TEKT5: variants seen among roughly 807,000 people sequenced by gnomAD.
The protein encoded by TEKT5 is tektin 5.
A neutral mutation model predicts 48.7 loss-of-function variants in TEKT5; 52 were observed. The observed-to-expected ratio is 1.07, with a 90% CI of 0.86 to 1.35. The LOEUF is 1.35. TEKT5 is among the 40% of genes most tolerant of loss of function. The pLI is 0.00. For missense variants in TEKT5, 831 were observed against 641.6 expected (o/e 1.30, Z -3.19); for synonymous variants, 318 against 267.6 (o/e 1.19, Z -1.84).
intron 6 of TEKT5, among the ~76,000 whole-genome samples, chr16:10,634,466 T>A (rs1470314235): frequency 6.6e-6 from 1 of 152,074 alleles, no homozygotes; most frequent in Non-Finnish European, 1.5e-5. Flanking sequence ...ATGGAGCAAA[T>A]GAGCAGCTGA....
intron 5 of TEKT5, among the ~76,000 whole-genome samples, chr16:10,652,987 GCA>G (rs1164258448): frequency 1.3e-5 from 2 of 151,476 alleles, no homozygotes; most frequent in Admixed American, 1.3e-4. Flanking sequence ...ACGCACACAT[GCA>G]CAGAGCTGGC....
intron 5 of TEKT5, among the ~76,000 whole-genome samples, chr16:10,673,845 T>A (rs958189561): frequency 6.6e-6 from 1 of 151,082 alleles, no homozygotes; most frequent in Non-Finnish European, 1.5e-5. Flanking sequence ...AGAGATGGAG[T>A]TTCACTATCT....
intron 5 of TEKT5, among the ~76,000 whole-genome samples, chr16:10,646,151 T>G (rs189655204): frequency 2.0e-5 from 3 of 152,080 alleles, no homozygotes; most frequent in Non-Finnish European, 4.4e-5. Flanking sequence ...AAAAAAAAAT[T>G]TGTTGATCTG....
chr16:10,632,428 G>T (rs754680620), intron 6 of TEKT5, among the ~76,000 whole-genome samples: 7 of 151,978 alleles, frequency 4.6e-5, no homozygotes, highest in Admixed American at 6.6e-5. Context: ...CTCCTAAGTA[G>T]CTTGGACTAT....
At chr16:10,654,739 C>T (rs1898228273) in intron 5 of TEKT5, among the ~76,000 whole-genome samples, 1 of 152,144 alleles carries the variant, frequency 6.6e-6, no homozygotes, top group Non-Finnish European at 1.5e-5. Flanking sequence ...CCTGGGTCTC[C>T]AGCATGCAGA....
At chr16:10,687,240 GA>G (rs1898877948) in intron 3 of TEKT5, among the ~76,000 whole-genome samples, 1 of 152,116 alleles carries the variant, frequency 6.6e-6, no homozygotes, top group African/African-American at 2.4e-5. Context: ...ATAAGTATGT[GA>G]GGTAACATAT....
At chr16:10,668,804 G>A (rs1567232174) in intron 5 of TEKT5, among the ~76,000 whole-genome samples, 2 of 152,044 alleles carry the variant, frequency 1.3e-5, no homozygotes, top group South Asian at 4.1e-4. Flanking sequence ...CTGCCTGTCT[G>A]AGTTTCCTCT....
chr16:10,682,709 A>G (rs1898778989), intron 3 of TEKT5, among the ~76,000 whole-genome samples: 1 of 152,200 alleles, frequency 6.6e-6, no homozygotes, highest in African/African-American at 2.4e-5. Flanking sequence ...TGTGGGTCAT[A>G]TGGTCTCTGT....
chr16:10,685,314 T>C (rs867646257), intron 3 of TEKT5, among the ~76,000 whole-genome samples: 6 of 152,094 alleles, frequency 3.9e-5, no homozygotes, highest in African/African-American at 7.2e-5. Context: ...CTCTCTCTCT[T>C]TTTTTGAGAC....
Position 10,691,589 on chromosome 16 carries a change from G to A in TEKT5, c.565-1564C>T, listed in dbSNP as rs79727694. 3.7e-3 allele frequency among the ~76,000 whole-genome samples: 566 copies of A among 152,252 alleles called. 1 individual carries two copies. Among genetic ancestry groups the A allele is most frequent in the African/African-American group, 0.013 (543 of 41,562 alleles). On this transcript the variant is annotated intron_variant, in intron 1 of 6. Transcript: ENST00000283025. ...CCATTGGCCCTGGAATAGAGGAAGCGAGTCTAGAGCAATAGCGGGGACAGG... is the reference window on the plus strand; with the variant it reads ...CCATTGGCCCTGGAATAGAGGAAGCAAGTCTAGAGCAATAGCGGGGACAGG...
intron 5 of TEKT5, among the ~76,000 whole-genome samples, chr16:10,670,587 A>G (rs189674060): frequency 1.3e-5 from 2 of 152,206 alleles, no homozygotes; most frequent in South Asian, 4.1e-4. Context: ...TGGTTGCTAT[A>G]CATTTATCTT....
At chr16:10,628,057 G>T (rs1897780952) in intron 6 of TEKT5, among the ~76,000 whole-genome samples, 1 of 151,940 alleles carries the variant, frequency 6.6e-6, no homozygotes, top group Non-Finnish European at 1.5e-5. Flanking sequence ...TGCTGGTCAA[G>T]CTGGTCAAGA....
intron 5 of TEKT5, among the ~76,000 whole-genome samples, chr16:10,662,617 C>G (rs972419005): frequency 1.3e-5 from 2 of 152,236 alleles, no homozygotes; most frequent in African/African-American, 2.4e-5. Context: ...TTTCTTGCAA[C>G]GTATCCTTGT....
At chr16:10,672,808 T>A (rs1179899561) in intron 5 of TEKT5, among the ~76,000 whole-genome samples, 1 of 151,918 alleles carries the variant, frequency 6.6e-6, no homozygotes, top group Non-Finnish European at 1.5e-5. Flanking sequence ...GTGTTATGCC[T>A]GCATTAACTC....
intron 6 of TEKT5, among the ~76,000 whole-genome samples, chr16:10,629,003 G>T (rs574577688): frequency 1.3e-5 from 2 of 151,910 alleles, no homozygotes; most frequent in East Asian, 3.9e-4. Flanking sequence ...AGACACAAAA[G>T]GACAAATATT....
intron 4 of TEKT5, among the ~76,000 whole-genome samples, chr16:10,677,542 G>C (rs536851769): frequency 1.4e-5 from 2 of 146,836 alleles, no homozygotes; most frequent in African/African-American, 5.4e-5. Context: ...CTGGGAGTCA[G>C]AGATTGCAGC....
chr16:10,676,615 G>A (rs1898652004), intron 4 of TEKT5, among the ~76,000 whole-genome samples: 1 of 152,158 alleles, frequency 6.6e-6, no homozygotes. Flanking sequence ...ACACAACGTG[G>A]ACAAGCCAAG....
Position 10,673,762 on chromosome 16 carries a change from C to T in TEKT5, c.1086+2197G>A, listed in dbSNP as rs369739842. ...GCCTCTTGGGTTCAAATGATTCTCC[C>T]GCCTCAGCCTCCCGAGTAGCTGGAA... On this transcript the variant is annotated intron_variant, in intron 5 of 6. Transcript: ENST00000283025. Among the ~76,000 whole-genome samples, 13 of 151,134 alleles carry T rather than the reference C, an allele frequency of 8.6e-5. No individual in the cohort carries two copies. In the South Asian group the frequency reaches 2.3e-3, roughly 27 times the overall value.
Position 10,682,074 on chromosome 16 carries a change from C to T in TEKT5, c.782G>A (p.Cys261Tyr), listed in dbSNP as rs746711728. The stretch of plus-strand genomic sequence containing the variant: ...CAGGTTAAAGCACTTCTCATCGATA[C>T]ACTGGGCCGAGCTTTTGTCTTCGAG... ...RDLEDKSSAQCIDEKCFNLRN... is the reference protein window; with the variant it reads ...RDLEDKSSAQYIDEKCFNLRN... The change falls in exon 4 of 7, where the codon TGT becomes TAT. Residue 261 changes from cysteine to tyrosine, a missense_variant. By Grantham distance (194) the Cys-to-Tyr change is radical. Coordinates refer to ENST00000283025, the MANE Select transcript of TEKT5 (RefSeq NM_144674.2). The T allele has an allele frequency of 3.1e-6, 5 of 1,614,204 alleles. No individual in the cohort carries two copies. The highest frequency in any genetic ancestry group is 4.2e-6 in the Non-Finnish European group (5 of 1,180,034).
Sources: allele counts gnomAD v4.1 joint callset (sites outside exome capture counted in the v4.1 genomes callset), GRCh38; gene constraint gnomAD v4.1.1; transcripts MANE v1.5; gene names NCBI Gene and HGNC (gene_info 2026-07-23, HGNC 2026-07-21).